The following TBC1D8B variants were observed in gnomAD, a reference collection of about 807,000 sequenced individuals.
TBC1D8B encodes RP11-321G1.1.
A neutral mutation model predicts 82.9 loss-of-function variants in TBC1D8B; 75 were observed. The observed-to-expected ratio is 0.90, with a 90% CI of 0.75 to 1.10. TBC1D8B has a LOEUF of 1.10. TBC1D8B is among the 50% of genes least tolerant of loss of function. The pLI, the probability that TBC1D8B is intolerant of heterozygous loss-of-function variation, is 0.00. For missense variants in TBC1D8B, 794 were observed against 796.9 expected, an observed-to-expected ratio of 1.00 and a Z score of 0.04; for synonymous variants, 276 against 276.8, an observed-to-expected ratio of 1.00 and a Z score of 0.03.
At chrX:106,840,323 C>A (rs1156605962) in intron 9 of TBC1D8B, 125 bp downstream of exon 9, 13 of 710,084 alleles carry the variant, frequency 1.8e-5, no homozygotes, top group Non-Finnish European at 2.4e-5. Flanking sequence ...ATCTTGAGTT[C>A]GGACTAGTCA....
At chrX:106,871,003 A>ATT (rs1413930506) in intron 20 of TBC1D8B, among the ~76,000 whole-genome samples, 190 bp downstream of exon 20, 1 of 111,849 alleles carries the variant, frequency 8.9e-6, no homozygotes, top group African/African-American at 3.2e-5. Flanking sequence ...TAACACTCAA[A>ATT]TGTGTCCAGT....
chrX:106,864,072 C>T (rs1415038753), intron 14 of TBC1D8B, among the ~76,000 whole-genome samples: 1 of 111,442 alleles, frequency 9.0e-6, no homozygotes, highest in African/African-American at 3.3e-5. Flanking sequence ...GGGGCTGTGG[C>T]GCTGGTGTTG....
chrX:106,866,052 GC>G lies in TBC1D8B; in HGVS notation c.2662+20del, dbSNP rs1372325139. 21 of 1,161,406 alleles carry G rather than the reference GC, an allele frequency of 1.8e-5. No individual in the cohort carries two copies. Among genetic ancestry groups the G allele is most frequent in the Admixed American group, 2.7e-5 (1 of 36,778 alleles). ...GCAATTGGTAAGATGATTTTTTTAA[GC>G]AAAAAAAAAAGGTGCTCCTAGAAAT... On this transcript the variant is annotated intron_variant, in intron 16 of 20. Coordinates refer to ENST00000357242, the MANE Select transcript of TBC1D8B (RefSeq NM_017752.3).
chrX:106,838,169 C>A (rs1932220742), intron 7 of TBC1D8B, among the ~76,000 whole-genome samples: 1 of 110,757 alleles, frequency 9.0e-6, no homozygotes, highest in Non-Finnish European at 1.9e-5. Context: ...TTTTTTTAAA[C>A]ATAGTTTTAA....
chrX:106,823,053 A>G (rs1931740370), intron 4 of TBC1D8B, among the ~76,000 whole-genome samples, 173 bp from the exon 5 acceptor site: 1 of 111,570 alleles, frequency 9.0e-6, no homozygotes, highest in South Asian at 3.7e-4. Flanking sequence ...GGAATCACCA[A>G]TTCTTGCACG....
intron 20 of TBC1D8B, among the ~76,000 whole-genome samples, chrX:106,871,259 A>C (rs1482718585): frequency 9.0e-6 from 1 of 110,920 alleles, no homozygotes; most frequent in Non-Finnish European, 1.9e-5. Flanking sequence ...CCTAATCAAA[A>C]TATGTTCTTC....
At chrX:106,832,209 G>T (rs1347034237) in intron 7 of TBC1D8B, among the ~76,000 whole-genome samples, 1 of 111,196 alleles carries the variant, frequency 9.0e-6, no homozygotes, top group Admixed American at 9.7e-5. Flanking sequence ...TTTCCTGTGA[G>T]AATGTCAAAG....
At position 106,827,463 on chromosome X, in the gene TBC1D8B, T is replaced by A. The variant is rs1473145840; in HGVS notation, c.1203+126T>A. 2.0e-5 allele frequency: 14 copies of A among 712,170 alleles called. No homozygotes were observed. The East Asian group carries it at 4.6e-4, about 23-fold the overall frequency. 58.7% of individuals were successfully genotyped at this position (712,170 alleles called of 1,213,427 possible). A position where few individuals can be genotyped will look rare whatever the true frequency, so the allele number is the denominator to read the frequency against. On this transcript the variant is annotated intron_variant, in intron 7 of 20. Coordinates refer to ENST00000357242, the MANE Select transcript of TBC1D8B (RefSeq NM_017752.3). ...CCAGGGGTTTTTTTTAAAGATAGAATCTAAGAAATTATATTGTCTAACTCA... is the reference window on the plus strand; with the variant it reads ...CCAGGGGTTTTTTTTAAAGATAGAAACTAAGAAATTATATTGTCTAACTCA...
chrX:106,823,006 A>G (rs1931739143), intron 4 of TBC1D8B, among the ~76,000 whole-genome samples: 1 of 111,011 alleles, frequency 9.0e-6, no homozygotes, highest in Admixed American at 9.6e-5. Context: ...GTGAGACTCT[A>G]TCTCAAAAGA....
intron 6 of TBC1D8B, among the ~76,000 whole-genome samples, chrX:106,826,471 G>C (rs1316645554): frequency 9.1e-6 from 1 of 109,846 alleles, no homozygotes; most frequent in East Asian, 2.9e-4. Flanking sequence ...TGTGCACAAT[G>C]TGCAGGTTAG....
intron 7 of TBC1D8B, among the ~76,000 whole-genome samples, chrX:106,836,011 T>C (rs754493345): frequency 5.0e-4 from 56 of 112,091 alleles, no homozygotes; most frequent in Admixed American, 5.7e-4. Context: ...CTTCCACATT[T>C]CTGGGTATCT....
intron 12 of TBC1D8B, among the ~76,000 whole-genome samples, chrX:106,851,503 G>T (rs1448338115): frequency 1.8e-5 from 2 of 111,485 alleles, no homozygotes; most frequent in Non-Finnish European, 3.8e-5. Context: ...CCATGTTGGT[G>T]TGCTGCACCC....
At chrX:106,843,006 ATGT>A (rs938897150) in intron 10 of TBC1D8B, among the ~76,000 whole-genome samples, 4 of 111,610 alleles carry the variant, frequency 3.6e-5, no homozygotes, top group Non-Finnish European at 5.7e-5. Flanking sequence ...AAGTTCATCC[ATGT>A]TGTAGCATGT....
intron 20 of TBC1D8B, among the ~76,000 whole-genome samples, chrX:106,871,224 A>C (rs1932846192): frequency 9.0e-6 from 1 of 111,509 alleles, no homozygotes; most frequent in Admixed American, 9.5e-5. Context: ...ACATAATTTT[A>C]AGTTCATCTC....
At chrX:106,814,791 G>A (rs1165170541) in intron 1 of TBC1D8B, 13 of 112,000 alleles carry the variant, frequency 1.2e-4, no homozygotes, top group Non-Finnish European at 2.1e-4. Context: ...TTTCTCTGAT[G>A]GCCAGTGATG....
intron 1 of TBC1D8B, among the ~76,000 whole-genome samples, chrX:106,818,090 T>G (rs1203474820): frequency 9.0e-6 from 1 of 111,452 alleles, no homozygotes; most frequent in African/African-American, 3.2e-5. Flanking sequence ...ATCAAGGTTT[T>G]ATCTTGTTTA....
intron 1 of TBC1D8B, 39 bp from the exon 2 acceptor site, chrX:106,818,624 T>C: frequency 2.0e-6 from 2 of 1,025,560 alleles, no homozygotes; most frequent in Admixed American, 2.5e-5. Flanking sequence ...ATTTATCTCT[T>C]GTAAAGTCCT....
chrX:106,831,383 G>A (rs190480379), intron 7 of TBC1D8B, among the ~76,000 whole-genome samples: 8 of 110,884 alleles, frequency 7.2e-5, no homozygotes, highest in African/African-American at 2.0e-4. Flanking sequence ...GGCCATCAAG[G>A]GTTTTCCTTG....
intron 14 of TBC1D8B, among the ~76,000 whole-genome samples, chrX:106,864,005 G>C (rs559297881): frequency 8.9e-6 from 1 of 112,022 alleles, no homozygotes; most frequent in Non-Finnish European, 1.9e-5. Context: ...AGCCTTGTCT[G>C]GTGAGGAGGG....
Sources: gnomAD v4.1 joint callset for allele counts (sites outside exome capture counted in the v4.1 genomes callset) on GRCh38, gnomAD v4.1.1 for gene constraint, MANE v1.5 for transcripts, NCBI Gene and HGNC (gene_info 2026-07-23, HGNC 2026-07-21) for gene names.